SYT3: variants seen among roughly 807,000 people sequenced by gnomAD.
The protein encoded by SYT3 is synaptotagmin-3.
In SYT3, 25 loss-of-function variants were observed where a neutral mutation model predicts 50.6. That is an observed-to-expected ratio of 0.49 (90% CI 0.36 to 0.69). The LOEUF (loss-of-function observed/expected upper bound fraction) is 0.69. SYT3 is among the 30% of genes least tolerant of loss of function. The pLI, the probability that SYT3 is intolerant of heterozygous loss-of-function variation, is 0.00. For missense variants in SYT3, 589 were observed against 793.6 expected, an observed-to-expected ratio of 0.74 and a Z score of 3.10; for synonymous variants, 323 against 353.9, an observed-to-expected ratio of 0.91 and a Z score of 0.98.
Position 50,639,064 on chromosome 19 carries a change from C to T in SYT3, c.-55G>A. ...GCCGTGTCCTGGGTGGCAGCCGAGG[C>T]GGCGGCGGGCGGCAGCCCATGGGGG... On this transcript the variant is annotated 5_prime_UTR_variant, in exon 2 of 11. Transcript: ENST00000600079. This position sits in a 1 kb window ranked among gnomAD's most constrained non-coding sequence, Gnocchi z 4.6. 6.5e-6 allele frequency: 1 copy of T among 153,616 alleles called. No homozygotes were observed. The highest frequency in any genetic ancestry group is 1.4e-5 in the Non-Finnish European group (1 of 69,132). 9.5% of individuals were successfully genotyped at this position (153,616 alleles called of 1,614,324 possible). A position where few individuals can be genotyped will look rare whatever the true frequency, so the allele number is the denominator to read the frequency against.
chr19:50,640,903 A>G (rs1365335767), upstream of SYT3, among the ~76,000 whole-genome samples: 1 of 152,156 alleles, frequency 6.6e-6, no homozygotes, highest in Non-Finnish European at 1.5e-5. Flanking sequence ...GCTCTCAATC[A>G]GTGACATCCA....
At chr19:50,643,331 CCCAGAGT>C (rs1030460805), upstream of SYT3, among the ~76,000 whole-genome samples, 1 of 151,816 alleles carries the variant, frequency 6.6e-6, no homozygotes, top group Admixed American at 6.6e-5. Flanking sequence ...ATGGAGGCTG[CCCAGAGT>C]CCCGTCCTTG....
intron 6 of SYT3, 167 bp from the exon 7 acceptor site, chr19:50,626,184 C>G: frequency 2.0e-6 from 2 of 1,021,528 alleles, no homozygotes; most frequent in Non-Finnish European, 2.8e-6. Flanking sequence ...AATTCCCTGG[C>G]CACAGCTGCC....
chr19:50,647,686 AG>A, the SYT3 span, among the ~76,000 whole-genome samples: 17 of 152,110 alleles, frequency 1.1e-4, no homozygotes, highest in Non-Finnish European at 2.2e-4. Flanking sequence ...CAAACAAAAA[AG>A]GAGGCTGGGG....
intron 4 of SYT3, among the ~76,000 whole-genome samples, chr19:50,631,568 C>T (rs944108794): frequency 6.6e-6 from 1 of 152,134 alleles, no homozygotes; most frequent in African/African-American, 2.4e-5. Flanking sequence ...ACTAGGATCT[C>T]GTTCTCCTCT....
rs779832436 is a variant in SYT3, at chr19:50,637,377, C to T, written c.35G>A (p.Arg12Gln). ...SGDYEDDLCR[R>Q]ALILVSDLCA... is the part of the protein sequence containing the mutation. ...GAGGTCCGAGACCAGGATGAGTGCC[C>T]GCCGGCAGAGGTCATCCTCGTAGTC... Residue 12 changes from arginine (R) to glutamine (Q), a missense_variant, in exon 3 of 11, where the codon CGG becomes CAG. Physicochemically the swap from Arg to Gln is conservative, Grantham distance 43. This residue lies in a region of SYT3 where 316 missense variants were observed against 354.3 expected (regional missense o/e 0.89). Coordinates refer to ENST00000600079, the MANE Select transcript of SYT3 (RefSeq NM_001160329.2). The surrounding 1 kb of genome is among the most constrained non-coding windows in gnomAD (Gnocchi z 4.9). 3.7e-5 allele frequency: 59 copies of T among 1,609,062 alleles called. No homozygotes were observed. Among genetic ancestry groups the T allele is most frequent in the South Asian group, 3.2e-4 (29 of 91,030 alleles).
At chr19:50,649,010 C>T in the SYT3 span, among the ~76,000 whole-genome samples, 1 of 150,320 alleles carries the variant, frequency 6.7e-6, no homozygotes, top group Non-Finnish European at 1.5e-5. Context: ...TGGGGAGATG[C>T]TGGGGAAACT....
chr19:50,628,369 C>T (rs1380460471), intron 6 of SYT3, among the ~76,000 whole-genome samples: 3 of 152,036 alleles, frequency 2.0e-5, no homozygotes, highest in South Asian at 2.1e-4. Flanking sequence ...GGGCAGGGGT[C>T]GCAAGGAATA....
Position 50,637,150 on chromosome 19 carries a change from C to T in SYT3, c.148+114G>A, listed in dbSNP as rs1002642576. On this transcript the variant is annotated intron_variant, in intron 3 of 10. Transcript: ENST00000600079. This position sits in a 1 kb window ranked among gnomAD's most constrained non-coding sequence, Gnocchi z 4.9. ...AGGGCAGCAGCAGGCAGAATGGGGG[C>T]AAGACGCTACGAGGGACTGACCCCA... 1 of 1,298,948 alleles carries T rather than the reference C, an allele frequency of 7.7e-7. No individual in the cohort carries two copies. The highest frequency in any genetic ancestry group is 1.5e-5 in the African/African-American group (1 of 68,866). The allele number at this position is 1,298,948 out of a possible 1,614,324, so 80.5% of individuals were successfully genotyped here.
the SYT3 span, among the ~76,000 whole-genome samples, chr19:50,645,935 T>G: frequency 7.1e-6 from 1 of 141,366 alleles, no homozygotes; most frequent in African/African-American, 2.7e-5. Flanking sequence ...AGAGATGAGG[T>G]AGGGTTCCAG....
chr19:50,656,007 G>C, the SYT3 span: 1 of 1,524,826 alleles, frequency 6.6e-7, no homozygotes, highest in Admixed American at 2.0e-5. Flanking sequence ...AATCATGGCT[G>C]AGGAGGGCTC....
chr19:50,623,613 C>CAAAAAAAAAAAAAAAAAAAAA lies in SYT3; in HGVS notation c.1708-879_1708-859dup, dbSNP rs529397903. On this transcript the variant is annotated intron_variant, in intron 9 of 10. Transcript: ENST00000600079. ...ACAACATGGCAAAACCCTGTCTCTA[C>CAAAAAAAAAAAAAAAAAAAAA]AAAAAAAAAAAAAAAAAAAAAAAAA... 9.8e-5 allele frequency among the ~76,000 whole-genome samples: 9 copies of CAAAAAAAAAAAAAAAAAAAAA among 91,622 alleles called. 1 individual carries two copies. The highest frequency in any genetic ancestry group is 1.4e-4 in the Non-Finnish European group (7 of 48,484). 60.1% of individuals were successfully genotyped at this position (91,622 alleles called of 152,430 possible).
the SYT3 span, chr19:50,657,871 C>T: frequency 7.3e-7 from 1 of 1,363,928 alleles, no homozygotes; most frequent in Non-Finnish European, 9.6e-7. Context: ...ATCCTTGCCC[C>T]TCAAATGCCA....
chr19:50,626,566 CAGAG>C (rs1249288798), intron 6 of SYT3, among the ~76,000 whole-genome samples: 5 of 137,486 alleles, frequency 3.6e-5, no homozygotes, highest in African/African-American at 1.4e-4. Context: ...GACAGAAGCC[CAGAG>C]AGAGAGGAGG....
chr19:50,643,006 A>C (rs913363066), upstream of SYT3, among the ~76,000 whole-genome samples: 1 of 152,202 alleles, frequency 6.6e-6, no homozygotes, highest in Non-Finnish European at 1.5e-5. Context: ...AAGTGAGGAA[A>C]TTGAGGCTCA....
intron 6 of SYT3, among the ~76,000 whole-genome samples, chr19:50,629,035 GC>G (rs1477520378): frequency 2.0e-5 from 3 of 152,006 alleles, no homozygotes; most frequent in African/African-American, 7.2e-5. Flanking sequence ...TGTTGGCCAG[GC>G]TGGTCTCGAA....
the SYT3 span, chr19:50,649,313 T>C: frequency 1.2e-6 from 1 of 854,930 alleles, no homozygotes; most frequent in Non-Finnish European, 1.9e-6. Context: ...TTCCAGTTCC[T>C]CTGTAATTCT....
chr19:50,645,015 A>T, the SYT3 span, among the ~76,000 whole-genome samples: 1 of 152,178 alleles, frequency 6.6e-6, no homozygotes, highest in Non-Finnish European at 1.5e-5. Context: ...ATGTGCCTGG[A>T]GGTAGATGCA....
At chr19:50,655,477 C>T in the SYT3 span, among the ~76,000 whole-genome samples, 7 of 151,958 alleles carry the variant, frequency 4.6e-5, no homozygotes, top group Admixed American at 3.3e-4. Context: ...AGTGAAACCC[C>T]GTCTCTACTA....
Sources: allele counts gnomAD v4.1 joint callset (sites outside exome capture counted in the v4.1 genomes callset), GRCh38; gene constraint gnomAD v4.1.1; regional missense constraint gnomAD v4.1.1; non-coding constraint Gnocchi (gnomAD v3.1); transcripts MANE v1.5; gene names NCBI Gene and HGNC (gene_info 2026-07-23, HGNC 2026-07-21).